The following ST8SIA6 variants were observed in gnomAD, a reference collection of about 807,000 sequenced individuals.
ST8SIA6 encodes the protein ST8 alpha-N-acetyl-neuraminide alpha-2,8-sialyltransferase 6.
A neutral mutation model predicts 33.6 loss-of-function variants in ST8SIA6; 39 were observed. The observed-to-expected ratio is 1.16, with a 90% CI of 0.90 to 1.52. The LOEUF is 1.52. ST8SIA6 is among the 40% of genes most tolerant of loss of function. ST8SIA6 has a pLI of 0.00. For synonymous variants in ST8SIA6, 172 were observed against 167.2 expected, an observed-to-expected ratio of 1.03 and a Z score of -0.22; for missense variants, 441 against 443.8, an observed-to-expected ratio of 0.99 and a Z score of 0.06.
chr10:17,359,650 G>A (rs775975373), intron 3 of ST8SIA6, 50 bp from the exon 4 acceptor site: 1 of 1,226,758 alleles, frequency 8.2e-7, no homozygotes, highest in South Asian at 1.4e-5. Context: ...TCATATGTAA[G>A]TCTTCTTAGA....
chr10:17,440,976 A>G (rs929733012), intron 2 of ST8SIA6, among the ~76,000 whole-genome samples: 2 of 152,188 alleles, frequency 1.3e-5, no homozygotes, highest in Non-Finnish European at 2.9e-5. Context: ...ATTGAGTTGC[A>G]AGAGTTCATT....
chr10:17,389,328 T>C (rs1394173328), intron 3 of ST8SIA6, among the ~76,000 whole-genome samples: 1 of 152,188 alleles, frequency 6.6e-6, no homozygotes, highest in Non-Finnish European at 1.5e-5. Context: ...GTCTAGGCAG[T>C]GGGCAAGGTG....
Position 17,320,891 on chromosome 10 carries a change from C to T in ST8SIA6, c.1184G>A (p.Cys395Tyr), listed in dbSNP as rs752513433. Residue 395 changes from cysteine (C) to tyrosine (Y), a missense_variant, in exon 8 of 8, where the codon TGT becomes TAT. Cys to Tyr is a radical substitution (Grantham distance 194). Coordinates refer to ENST00000377602, the MANE Select transcript of ST8SIA6 (RefSeq NM_001004470.3). Reference protein sequence around the residue: ...KGILKLQFSKCEVA With the variant: ...KGILKLQFSKYEVA Reference sequence around the variant, plus strand: ...AAGATACTTTGTTTAGGCGACTTCACATTTGCTAAATTGCAGTTTGAGGAT... The same window carrying T: ...AAGATACTTTGTTTAGGCGACTTCATATTTGCTAAATTGCAGTTTGAGGAT... 13 of 1,613,756 alleles carry T rather than the reference C, an allele frequency of 8.1e-6. No individual in the cohort carries two copies. Among genetic ancestry groups the T allele is most frequent in the Admixed American group, 3.3e-5 (2 of 59,954 alleles).
chr10:17,329,802 C>A (rs1206643537), intron 5 of ST8SIA6, among the ~76,000 whole-genome samples: 1 of 152,202 alleles, frequency 6.6e-6, no homozygotes, highest in Non-Finnish European at 1.5e-5. Context: ...CTTAAATAAA[C>A]CTCCTGAGAA....
intron 2 of ST8SIA6, among the ~76,000 whole-genome samples, chr10:17,448,478 A>G (rs1234012524): frequency 6.6e-6 from 1 of 152,236 alleles, no homozygotes; most frequent in African/African-American, 2.4e-5. Flanking sequence ...GGAACTCCAA[A>G]TTAGCTAGTT....
At chr10:17,399,557 T>A (rs1850958423) in intron 2 of ST8SIA6, among the ~76,000 whole-genome samples, 1 of 152,208 alleles carries the variant, frequency 6.6e-6, no homozygotes, top group Non-Finnish European at 1.5e-5. Context: ...TAGCTAGCTC[T>A]CTGCTTCTGA....
chr10:17,421,221 G>T (rs763102242), intron 2 of ST8SIA6, among the ~76,000 whole-genome samples: 1 of 152,162 alleles, frequency 6.6e-6, no homozygotes, highest in Non-Finnish European at 1.5e-5. Context: ...GGCCATGCCA[G>T]CCTCAAGCCC....
At chr10:17,411,954 G>T (rs1388758033) in intron 2 of ST8SIA6, among the ~76,000 whole-genome samples, 1 of 151,368 alleles carries the variant, frequency 6.6e-6, no homozygotes, top group African/African-American at 2.4e-5. Context: ...TCCTAACTCA[G>T]TTGCCTTTAA....
At chr10:17,407,231 A>C (rs1851298674) in intron 2 of ST8SIA6, among the ~76,000 whole-genome samples, 1 of 152,196 alleles carries the variant, frequency 6.6e-6, no homozygotes, top group Non-Finnish European at 1.5e-5. Context: ...TAACACTCTG[A>C]CATATATGTC....
chr10:17,332,844 G>C (rs547876814), intron 4 of ST8SIA6, among the ~76,000 whole-genome samples: 1 of 152,136 alleles, frequency 6.6e-6, no homozygotes, highest in African/African-American at 2.4e-5. Flanking sequence ...ATGTTTGTTG[G>C]CTGCATAAAA....
intron 2 of ST8SIA6, among the ~76,000 whole-genome samples, chr10:17,447,382 G>T (rs933463138): frequency 6.6e-6 from 1 of 151,856 alleles, no homozygotes; most frequent in Non-Finnish European, 1.5e-5. Flanking sequence ...CTCCAGCCTG[G>T]GCAACGAGAG....
intron 3 of ST8SIA6, among the ~76,000 whole-genome samples, chr10:17,381,971 T>A (rs375909857): frequency 3.3e-5 from 5 of 152,306 alleles, no homozygotes; most frequent in South Asian, 4.1e-4. Context: ...TGTTCAGGAA[T>A]GAACAAGGAC....
At chr10:17,389,481 G>C (rs1850504949) in intron 3 of ST8SIA6, among the ~76,000 whole-genome samples, 1 of 152,100 alleles carries the variant, frequency 6.6e-6, no homozygotes, top group Non-Finnish European at 1.5e-5. Flanking sequence ...CACATCCTTT[G>C]TCCAGCACCA....
chr10:17,386,088 G>A lies in ST8SIA6; in HGVS notation c.290+4443C>T, dbSNP rs541066688. Reference sequence around the variant, plus strand: ...CCTGGCTATTCAGGAAGCTGAGGCAGGAGGATCGCTTGAATACAGCAGGTC... The same window carrying A: ...CCTGGCTATTCAGGAAGCTGAGGCAAGAGGATCGCTTGAATACAGCAGGTC... On this transcript the variant is annotated intron_variant, in intron 3 of 7. Transcript: ENST00000377602. 7.9e-5 allele frequency among the ~76,000 whole-genome samples: 12 copies of A among 152,306 alleles called. No individual in the cohort carries two copies. In the East Asian group the frequency reaches 2.3e-3, roughly 29 times the overall value.
At chr10:17,346,746 A>T (rs1324660051) in intron 4 of ST8SIA6, among the ~76,000 whole-genome samples, 3 of 152,238 alleles carry the variant, frequency 2.0e-5, no homozygotes, top group Admixed American at 2.0e-4. Flanking sequence ...TTAAGAGAGA[A>T]CAATAGCTAT....
rs185508122 is a variant in ST8SIA6 at position 17,396,130 on chromosome 10, G to T, written c.201-5510C>A. Among the ~76,000 whole-genome samples the T allele has an allele frequency of 1.6e-3, 243 of 152,256 alleles. 4 individuals are homozygous for T. The highest frequency in any genetic ancestry group is 0.014 in the Admixed American group (213 of 15,294). On this transcript the variant is annotated intron_variant, in intron 2 of 7. Transcript: ENST00000377602. Reference sequence around the variant, plus strand: ...GCTTCATTAGAAGATCACAATCTCTGTTCACATGTCACTGTGCAAGATTAT... The same window carrying T: ...GCTTCATTAGAAGATCACAATCTCTTTTCACATGTCACTGTGCAAGATTAT...
At chr10:17,330,041 G>A (rs778767253) in intron 5 of ST8SIA6, among the ~76,000 whole-genome samples, 1 of 152,054 alleles carries the variant, frequency 6.6e-6, no homozygotes, top group Non-Finnish European at 1.5e-5. Flanking sequence ...TTTCCACCAC[G>A]AGCCCCGTCT....
chr10:17,334,277 C>T (rs1419198075), intron 4 of ST8SIA6, among the ~76,000 whole-genome samples: 2 of 151,550 alleles, frequency 1.3e-5, no homozygotes, highest in Non-Finnish European at 2.9e-5. Context: ...CGGTGGCTCA[C>T]GCCTGTAATC....
At chr10:17,413,130 C>CT (rs138012338) in intron 2 of ST8SIA6, among the ~76,000 whole-genome samples, 62 of 152,268 alleles carry the variant, frequency 4.1e-4, no homozygotes, top group Non-Finnish European at 8.2e-4. Flanking sequence ...TTTTTCAACT[C>CT]TATCAAAGAT....
Sources: allele counts gnomAD v4.1 joint callset (sites outside exome capture counted in the v4.1 genomes callset), GRCh38; gene constraint gnomAD v4.1.1; transcripts MANE v1.5; gene names NCBI Gene and HGNC (gene_info 2026-07-23, HGNC 2026-07-21).